Variants in IL1RAPL1 observed in about 807,000 individuals in gnomAD.
IL1RAPL1 encodes interleukin 1 receptor accessory protein like 1, also known as interleukin-1 receptor accessory protein-like 1.
Under a neutral mutation model 48.4 loss-of-function variants are expected in IL1RAPL1, and 3 were observed. The ratio of observed to expected loss-of-function variants is 0.06; its 90% CI spans 0.03 to 0.16. The LOEUF (loss-of-function observed/expected upper bound fraction) is 0.16, where lower values mean the gene tolerates loss of function less well. Among genes scored for constraint, IL1RAPL1 ranks in the 10% least tolerant of loss-of-function variants. IL1RAPL1 has a pLI of 1.00. For synonymous variants in IL1RAPL1, 185 were observed against 187.7 expected, an observed-to-expected ratio of 0.99 and a Z score of 0.12; for missense variants, 349 against 530.6, an observed-to-expected ratio of 0.66 and a Z score of 3.36.
chrX:29,832,945 A>G (rs1302728587), intron 6 of IL1RAPL1, among the ~76,000 whole-genome samples: 1 of 111,060 alleles, frequency 9.0e-6, no homozygotes, highest in Non-Finnish European at 1.9e-5. Flanking sequence ...TCATTAATAA[A>G]TGGTGGGGGA....
At chrX:29,070,484 G>T (rs1002406904) in intron 2 of IL1RAPL1, among the ~76,000 whole-genome samples, 1 of 111,514 alleles carries the variant, frequency 9.0e-6, no homozygotes, top group African/African-American at 3.3e-5. Context: ...ACACAGGATG[G>T]ACATCAATTG....
chrX:28,850,430 G>GC (rs35106558), intron 2 of IL1RAPL1, among the ~76,000 whole-genome samples: 6,228 of 110,338 alleles, frequency 0.056, 347 homozygotes, highest in East Asian at 0.25. Context: ...ACTAAAACGG[G>GC]CCCATTGCTG....
intron 1 of IL1RAPL1, among the ~76,000 whole-genome samples, chrX:28,725,209 C>G (rs1291746008): frequency 9.0e-6 from 1 of 110,666 alleles, no homozygotes; most frequent in Non-Finnish European, 1.9e-5. Flanking sequence ...CTCGGCCTCC[C>G]AAAGTGCTGG....
At chrX:28,629,363 C>T (rs1198226651) in intron 1 of IL1RAPL1, among the ~76,000 whole-genome samples, 2 of 111,362 alleles carry the variant, frequency 1.8e-5, no homozygotes, top group East Asian at 5.6e-4. Flanking sequence ...ACTCACTATA[C>T]CTAAAGAAGC....
chrX:28,897,615 C>T (rs985400080), intron 2 of IL1RAPL1, among the ~76,000 whole-genome samples: 4 of 111,788 alleles, frequency 3.6e-5, no homozygotes, highest in African/African-American at 3.3e-5. Flanking sequence ...GACCAGAGGT[C>T]GTAGGTGGAT....
chrX:29,915,387 G>A (rs1932789783), intron 6 of IL1RAPL1, among the ~76,000 whole-genome samples: 1 of 111,691 alleles, frequency 9.0e-6, no homozygotes, highest in Admixed American at 9.5e-5. Context: ...GCTATATCAT[G>A]CCATATTAGA....
chrX:29,087,134 A>ATTT (rs34132994), intron 2 of IL1RAPL1, among the ~76,000 whole-genome samples: 11 of 84,679 alleles, frequency 1.3e-4, no homozygotes, highest in African/African-American at 4.0e-4. Context: ...TTATTTAAAA[A>ATTT]TTTTTTTTTT....
At chrX:29,705,805 G>A (rs1927177899) in intron 6 of IL1RAPL1, among the ~76,000 whole-genome samples, 1 of 112,115 alleles carries the variant, frequency 8.9e-6, no homozygotes, top group Non-Finnish European at 1.9e-5. Context: ...TTTAACATTA[G>A]GTCCTCCCCT....
At chrX:28,699,892 A>C (rs765927694) in intron 1 of IL1RAPL1, among the ~76,000 whole-genome samples, 1 of 111,484 alleles carries the variant, frequency 9.0e-6, no homozygotes, top group South Asian at 3.8e-4. Flanking sequence ...AGGTTGCTAA[A>C]ACTATGTCAT....
intron 1 of IL1RAPL1, among the ~76,000 whole-genome samples, chrX:28,621,953 G>A (rs771336844): frequency 1.1e-4 from 12 of 110,788 alleles, no homozygotes; most frequent in Non-Finnish European, 2.3e-4. Flanking sequence ...GAATTAGGAA[G>A]GAAGAGGCAG....
chrX:28,634,920 A>G (rs1264960445), intron 1 of IL1RAPL1, among the ~76,000 whole-genome samples: 1 of 111,726 alleles, frequency 9.0e-6, no homozygotes, highest in Non-Finnish European at 1.9e-5. Context: ...ACAATTCTCC[A>G]TATGGCTTAG....
intron 3 of IL1RAPL1, among the ~76,000 whole-genome samples, chrX:29,319,156 GTCTGTCTA>G (rs1391153917): frequency 1.9e-5 from 1 of 53,345 alleles, no homozygotes; most frequent in Non-Finnish European, 3.1e-5. Flanking sequence ...CTGTCTATCT[GTCTGTCTA>G]TCTATCTATC....
intron 3 of IL1RAPL1, among the ~76,000 whole-genome samples, chrX:29,335,278 AG>A (rs1231659756): frequency 0.19 from 472 of 2,530 alleles, 56 homozygotes; most frequent in African/African-American, 0.25. Flanking sequence ...GGAGACGGAG[AG>A]GGGAGAGGGG....
At chrX:29,229,878 T>C (rs1363363929) in intron 2 of IL1RAPL1, among the ~76,000 whole-genome samples, 1 of 112,485 alleles carries the variant, frequency 8.9e-6, no homozygotes, top group Non-Finnish European at 1.9e-5. Context: ...TCCCTTTGTT[T>C]CTTGACTTAG....
At chrX:29,057,466 C>T (rs1410382888) in intron 2 of IL1RAPL1, among the ~76,000 whole-genome samples, 1 of 107,855 alleles carries the variant, frequency 9.3e-6, no homozygotes, top group Non-Finnish European at 1.9e-5. Context: ...TTTCGCTCGT[C>T]ACCCAGGATG....
At chrX:29,435,358 T>A (rs1237840481) in intron 5 of IL1RAPL1, among the ~76,000 whole-genome samples, 1 of 111,269 alleles carries the variant, frequency 9.0e-6, no homozygotes, top group Non-Finnish European at 1.9e-5. Flanking sequence ...CTGTTTAACT[T>A]CCTGAGGAAC....
In IL1RAPL1 at chrX:28,939,446, C is replaced by A. The variant is rs189707577; in HGVS notation, c.82+150021C>A. On this transcript the variant is annotated intron_variant, in intron 2 of 10. Coordinates refer to ENST00000378993, the MANE Select transcript of IL1RAPL1 (RefSeq NM_014271.4). ...TAACACAGGAATAGAAAACCAAATA[C>A]CGCATGTTTTCACTTATAAGTGAGA... 3.7e-3 allele frequency among the ~76,000 whole-genome samples: 415 copies of A among 110,781 alleles called. 3 individuals carry two copies. Among genetic ancestry groups the A allele is most frequent in the African/African-American group, 0.013 (387 of 30,593 alleles).
chrX:29,591,131 A>C (rs1054578064), intron 5 of IL1RAPL1, among the ~76,000 whole-genome samples: 3 of 111,703 alleles, frequency 2.7e-5, no homozygotes, highest in Admixed American at 9.5e-5. Context: ...AAGTGTTAGT[A>C]CCATCCTGTG....
chrX:28,815,839 G>GTATGTATATATATATATATA (rs1467095474), intron 2 of IL1RAPL1, among the ~76,000 whole-genome samples: 1 of 29,106 alleles, frequency 3.4e-5, no homozygotes, highest in African/African-American at 8.9e-5. Context: ...GTGTGTTTAT[G>GTATGTATATATATATATATA]TATATATATA....
Sources: gnomAD v4.1 joint callset for allele counts (sites outside exome capture counted in the v4.1 genomes callset) on GRCh38, gnomAD v4.1.1 for gene constraint, MANE v1.5 for transcripts, NCBI Gene and HGNC (gene_info 2026-07-23, HGNC 2026-07-21) for gene names.